Variants in NRXN1 observed in about 807,000 individuals in gnomAD.
The protein encoded by NRXN1 is neurexin 1, also known as neurexin-1.
Under a neutral mutation model 150.9 loss-of-function variants are expected in NRXN1, and 39 were observed. The ratio of observed to expected loss-of-function variants is 0.26; its 90% CI spans 0.20 to 0.34. The LOEUF is 0.34. Among genes scored for constraint, NRXN1 ranks in the 10% least tolerant of loss-of-function variants. The pLI, the probability that NRXN1 is intolerant of heterozygous loss-of-function variation, is 1.00. For synonymous variants in NRXN1, 924 were observed against 757.0 expected (o/e 1.22, Z -3.62); for missense variants, 1,815 against 1,949.9 (o/e 0.93, Z 1.30).
At chr2:50,581,213 A>G (rs1013011494) in intron 8 of NRXN1, among the ~76,000 whole-genome samples, 10 of 152,172 alleles carry the variant, frequency 6.6e-5, no homozygotes, top group Admixed American at 1.3e-4. Context: ...ACTCAAACAT[A>G]TATGCTGAAT....
At chr2:50,454,123 C>T (rs1267874631) in intron 17 of NRXN1, among the ~76,000 whole-genome samples, 1 of 151,996 alleles carries the variant, frequency 6.6e-6, no homozygotes, top group Non-Finnish European at 1.5e-5. Flanking sequence ...GTCAGGAGTT[C>T]AAGACCAGCC....
chr2:50,093,183 CTGTT>C (rs1699808891), intron 18 of NRXN1, among the ~76,000 whole-genome samples: 1 of 152,032 alleles, frequency 6.6e-6, no homozygotes, highest in African/African-American at 2.4e-5. Flanking sequence ...TGGACTTTTG[CTGTT>C]TGTTTATTAG....
At chr2:50,923,480 TATTTA>T (rs747062527) in intron 3 of NRXN1, 2 of 236,436 alleles carry the variant, frequency 8.5e-6, no homozygotes, top group East Asian at 1.2e-4. Context: ...GAAATTCCTT[TATTTA>T]ATTTATTTAT....
intron 2 of NRXN1, among the ~76,000 whole-genome samples, chr2:50,994,234 A>T (rs1390300180): frequency 6.6e-6 from 1 of 152,026 alleles, no homozygotes; most frequent in East Asian, 1.9e-4. Context: ...ACTAAGTTTC[A>T]TTAATAAACA....
chr2:49,940,580 A>T (rs1437563113), intron 22 of NRXN1, among the ~76,000 whole-genome samples: 1 of 152,222 alleles, frequency 6.6e-6, no homozygotes, highest in East Asian at 1.9e-4. Flanking sequence ...ACAAAAACAA[A>T]CAGAAAAACA....
chr2:50,350,136 G>C (rs1372273533), intron 17 of NRXN1, among the ~76,000 whole-genome samples: 1 of 152,092 alleles, frequency 6.6e-6, no homozygotes, highest in Non-Finnish European at 1.5e-5. Flanking sequence ...TTTCATCACT[G>C]AATCAATCCA....
intron 8 of NRXN1, among the ~76,000 whole-genome samples, chr2:50,569,450 A>G (rs902361816): frequency 2.6e-5 from 4 of 152,156 alleles, no homozygotes. Flanking sequence ...AATAAAAGAA[A>G]ATAATGACCC....
intron 5 of NRXN1, among the ~76,000 whole-genome samples, chr2:50,879,422 T>C (rs1312921332): frequency 6.6e-6 from 1 of 151,970 alleles, no homozygotes; most frequent in African/African-American, 2.4e-5. Flanking sequence ...TAGACATTAG[T>C]CAAGAGAGTA....
chr2:49,985,994 C>T (rs1347989167), intron 21 of NRXN1, among the ~76,000 whole-genome samples: 1 of 152,148 alleles, frequency 6.6e-6, no homozygotes, highest in Non-Finnish European at 1.5e-5. Context: ...AAAGTCCATC[C>T]TTTCTGTGAA....
chr2:50,029,494 A>G (rs1019084015), intron 21 of NRXN1, among the ~76,000 whole-genome samples: 1 of 152,138 alleles, frequency 6.6e-6, no homozygotes, highest in Non-Finnish European at 1.5e-5. Flanking sequence ...TCCTAATCCA[A>G]CAGGACTGGT....
intron 5 of NRXN1, among the ~76,000 whole-genome samples, chr2:50,833,094 G>A (rs1671641004): frequency 6.6e-6 from 1 of 152,156 alleles, no homozygotes; most frequent in African/African-American, 2.4e-5. Flanking sequence ...TCAGCAAAAT[G>A]CAAAATAACA....
chr2:50,738,601 C>A (rs1020136305), intron 5 of NRXN1, among the ~76,000 whole-genome samples: 1 of 152,104 alleles, frequency 6.6e-6, no homozygotes, highest in African/African-American at 2.4e-5. Context: ...TGGAAATTGG[C>A]AGATAATGGC....
Position 50,242,458 on chromosome 2 carries a change from T to C in NRXN1, c.3365-5488A>G, listed in dbSNP as rs2066097346. 2.0e-5 allele frequency among the ~76,000 whole-genome samples: 3 copies of C among 151,968 alleles called. No homozygotes were observed. In the South Asian group the frequency reaches 6.2e-4, roughly 32 times the overall value. On this transcript the variant is annotated intron_variant, in intron 17 of 22. Coordinates refer to ENST00000401669, the MANE Select transcript of NRXN1 (RefSeq NM_001330078.2). ...TTCCTTCTGAATTATTGTAAGTTCTTTGTAGAATCATAAGGAATTATTTCA... is the reference window on the plus strand; with the variant it reads ...TTCCTTCTGAATTATTGTAAGTTCTCTGTAGAATCATAAGGAATTATTTCA...
intron 5 of NRXN1, among the ~76,000 whole-genome samples, chr2:50,764,573 T>G (rs566050734): frequency 6.6e-6 from 1 of 152,002 alleles, no homozygotes; most frequent in Non-Finnish European, 1.5e-5. Flanking sequence ...CATGTGGTTA[T>G]ATGCTTATCG....
At chr2:51,025,263 T>G (rs1337608529) in intron 2 of NRXN1, among the ~76,000 whole-genome samples, 3 of 152,206 alleles carry the variant, frequency 2.0e-5, no homozygotes, top group Admixed American at 1.3e-4. Flanking sequence ...TGAGTTGAAT[T>G]ATCCTATGTA....
At chr2:50,337,083 C>CTTTTT (rs768582035) in intron 17 of NRXN1, among the ~76,000 whole-genome samples, 1 of 133,082 alleles carries the variant, frequency 7.5e-6, no homozygotes, top group Admixed American at 7.6e-5. Context: ...TTTTCTTTTT[C>CTTTTT]TTTTTTTTTT....
intron 18 of NRXN1, among the ~76,000 whole-genome samples, chr2:50,223,539 T>C (rs1218653446): frequency 6.6e-6 from 1 of 151,982 alleles, no homozygotes; most frequent in Non-Finnish European, 1.5e-5. Context: ...AGTAGCTGTC[T>C]AACCTTACTC....
intron 21 of NRXN1, among the ~76,000 whole-genome samples, chr2:49,991,420 C>G (rs962859055): frequency 2.6e-5 from 4 of 151,994 alleles, no homozygotes; most frequent in Non-Finnish European, 5.9e-5. Context: ...TAATCTCTTT[C>G]ATATATACCA....
intron 19 of NRXN1, among the ~76,000 whole-genome samples, chr2:50,071,786 AT>A (rs1301085695): frequency 6.6e-6 from 1 of 152,236 alleles, no homozygotes; most frequent in Admixed American, 6.5e-5. Context: ...ATGTGATAGT[AT>A]TTTGCTGCCA....
Sources: gnomAD v4.1 joint callset for allele counts (sites outside exome capture counted in the v4.1 genomes callset) on GRCh38, gnomAD v4.1.1 for gene constraint, MANE v1.5 for transcripts, NCBI Gene and HGNC (gene_info 2026-07-23, HGNC 2026-07-21) for gene names.